The following COL6A2 variants were observed in gnomAD, a reference collection of about 807,000 sequenced individuals.
The protein encoded by COL6A2 is collagen type VI alpha 2 chain.
A neutral mutation model predicts 124.9 loss-of-function variants in COL6A2; 90 were observed. The observed-to-expected ratio is 0.72, with a 90% CI of 0.61 to 0.86. The LOEUF (loss-of-function observed/expected upper bound fraction) is 0.86. Among genes scored for constraint, COL6A2 ranks in the 40% least tolerant of loss-of-function variants. The pLI, the probability that COL6A2 is intolerant of heterozygous loss-of-function variation, is 0.00. For synonymous variants in COL6A2, 793 were observed against 618.2 expected, an observed-to-expected ratio of 1.28 and a Z score of -4.19; for missense variants, 1,607 against 1,502.5, an observed-to-expected ratio of 1.07 and a Z score of -1.15.
Position 46,125,932 on chromosome 21 carries a change from C to T in COL6A2, c.2117C>T (p.Ala706Val), listed in dbSNP as rs2078657799. 3 of 1,613,060 alleles carry T rather than the reference C, an allele frequency of 1.9e-6. No individual in the cohort carries two copies. Residue 706 changes from alanine (A) to valine (V), a missense_variant, in exon 26 of 28, where the codon GCC (alanine) becomes GTC (valine). Coordinates refer to ENST00000300527, the MANE Select transcript of COL6A2 (RefSeq NM_001849.4). Reference protein sequence around the residue: ...WIAGGTWTPSALKFAYDRLIK... With the variant: ...WIAGGTWTPSVLKFAYDRLIK... Reference sequence around the variant, plus strand: ...GCGGGCGGCACCTGGACACCCTCAGCCCTCAAGTTTGCCTACGACCGCCTC... The same window carrying T: ...GCGGGCGGCACCTGGACACCCTCAGTCCTCAAGTTTGCCTACGACCGCCTC...
At position 46,118,635 on chromosome 21, in the gene COL6A2, C is replaced by T. The variant is rs142880107; in HGVS notation, c.1138C>T (p.Arg380Cys). 23 of 1,612,530 alleles carry T rather than the reference C, an allele frequency of 1.4e-5. No homozygotes were observed. Among genetic ancestry groups the T allele is most frequent in the African/African-American group, 1.3e-4 (10 of 75,066 alleles). Residue 380 changes from arginine to cysteine, a missense_variant, in exon 13 of 28, where the codon CGC becomes TGC. Physicochemically the swap from Arg to Cys is radical, Grantham distance 180. This residue lies in a region of COL6A2 where 1,223 missense variants were observed against 1,052.2 expected (regional missense o/e 1.16). Transcript: ENST00000300527. ...GGKGDPGRPG[R>C]RGPPGEIGAK... is the part of the protein sequence containing the mutation. ...CCAGGGGGACCCTGGCCGCCCAGGACGCAGAGGGCCCCCGGGAGAAATCGG... is the reference window on the plus strand; with the variant it reads ...CCAGGGGGACCCTGGCCGCCCAGGATGCAGAGGGCCCCCGGGAGAAATCGG...
Position 46,132,352 on chromosome 21 carries a change from AACG to A in COL6A2, c.2863_2865del (p.Asp955del). 1 of 1,608,672 alleles carries A rather than the reference AACG, an allele frequency of 6.2e-7. No homozygotes were observed. Among genetic ancestry groups the A allele is most frequent in the South Asian group, 1.1e-5 (1 of 91,080 alleles). ...GTTCCTCACGGACGGCGTCACGGGC[AACG>A]ACAGTCTGCACGAGTCGGCGCACTC... On this transcript the variant is annotated inframe_deletion, in exon 28 of 28. Coordinates refer to ENST00000300527, the MANE Select transcript of COL6A2 (RefSeq NM_001849.4).
intron 27 of COL6A2, among the ~76,000 whole-genome samples, chr21:46,126,830 C>G (rs920096175): frequency 6.6e-6 from 1 of 152,194 alleles, no homozygotes; most frequent in African/African-American, 2.4e-5. Flanking sequence ...GAAGGCCCAC[C>G]ATGGGCCTTG....
chr21:46,129,186 TC>T, intron 27 of COL6A2: 2 of 1,612,794 alleles, frequency 1.2e-6, no homozygotes, highest in Non-Finnish European at 1.7e-6. Context: ...CTCTGGACGC[TC>T]CCTTGCAGAT....
intron 27 of COL6A2, chr21:46,128,985 G>T: frequency 6.2e-7 from 1 of 1,607,840 alleles, no homozygotes. Flanking sequence ...GGGTCTCCTA[G>T]CTCCCTGCCA....
chr21:46,128,504 T>C (rs1303400222), intron 27 of COL6A2, among the ~76,000 whole-genome samples: 1 of 106,222 alleles, frequency 9.4e-6, no homozygotes. Flanking sequence ...CCTGGCCTTC[T>C]CCAGACAGCC....
chr21:46,127,536 TGC>T (rs1210534867), intron 27 of COL6A2, among the ~76,000 whole-genome samples: 2 of 152,126 alleles, frequency 1.3e-5, no homozygotes, highest in African/African-American at 4.8e-5. Context: ...CAGTGGGCTG[TGC>T]TTCTGCCGCC....
rs545749932 is a variant in COL6A2 at position 46,123,003 on chromosome 21, C to T, written c.1671+66C>T. The stretch of plus-strand genomic sequence containing the variant: ...GGCAGGGAGGGGCCCTGAGGCTGAG[C>T]GTGTGCATCTATGAGTACAGGAGAA... On this transcript the variant is annotated intron_variant, in intron 21 of 27. Coordinates refer to ENST00000300527, the MANE Select transcript of COL6A2 (RefSeq NM_001849.4). The T allele has an allele frequency of 1.5e-4, 222 of 1,463,132 alleles. 1 individual carries two copies. In the South Asian group the frequency reaches 1.8e-3, roughly 12 times the overall value. The allele number at this position is 1,463,132 out of a possible 1,614,324, so 90.6% of individuals were successfully genotyped here.
chr21:46,123,024 G>A (rs903306451), intron 21 of COL6A2, 87 bp downstream of exon 21: 205 of 1,297,454 alleles, frequency 1.6e-4, no homozygotes, highest in Non-Finnish European at 1.8e-4. Context: ...ATGAGTACAG[G>A]AGAACGCCAG....
intron 27 of COL6A2, among the ~76,000 whole-genome samples, chr21:46,129,963 C>G (rs1038447559): frequency 1.3e-5 from 2 of 152,138 alleles, no homozygotes; most frequent in African/African-American, 4.8e-5. Flanking sequence ...GGAGGATGTT[C>G]CAGCACCAGG....
chr21:46,115,967 C>T lies in COL6A2; in HGVS notation c.855+42C>T, dbSNP rs762914509. 45 of 1,611,122 alleles carry T rather than the reference C, an allele frequency of 2.8e-5. No individual in the cohort carries two copies. The East Asian group carries it at 3.6e-4, about 13-fold the overall frequency. On this transcript the variant is annotated intron_variant, in intron 6 of 27. Transcript: ENST00000300527. ...CACGCCCGCCCCGCCTGCAGCCCAGCGCCCCAGGGCTGGGCTCACACTGCT... is the reference window on the plus strand; with the variant it reads ...CACGCCCGCCCCGCCTGCAGCCCAGTGCCCCAGGGCTGGGCTCACACTGCT...
intron 18 of COL6A2, among the ~76,000 whole-genome samples, 164 bp from the exon 19 acceptor site, chr21:46,121,944 G>A (rs1001663089): frequency 1.3e-5 from 2 of 152,150 alleles, no homozygotes; most frequent in African/African-American, 4.8e-5. Context: ...CACTGGAGGT[G>A]GACAGGGCGA....
intron 16 of COL6A2, 102 bp from the exon 17 acceptor site, chr21:46,120,959 G>T (rs978387327): frequency 1.7e-6 from 2 of 1,153,888 alleles, no homozygotes; most frequent in East Asian, 4.7e-5. Flanking sequence ...GGCCAGACCC[G>T]TCTTACCCCC....
At chr21:46,099,628 C>G (rs2078265682) in intron 1 of COL6A2, among the ~76,000 whole-genome samples, 1 of 152,184 alleles carries the variant, frequency 6.6e-6, no homozygotes. Context: ...TGGTGCTGCT[C>G]ATGGAAGGGG....
At chr21:46,131,394 A>G (rs2078758121) in intron 27 of COL6A2, among the ~76,000 whole-genome samples, 1 of 152,204 alleles carries the variant, frequency 6.6e-6, no homozygotes, top group South Asian at 2.1e-4. Flanking sequence ...GCTGCCACAG[A>G]AGGTCTGGCT....
chr21:46,117,032 C>T (rs1308329659), intron 10 of COL6A2, among the ~76,000 whole-genome samples: 1 of 152,196 alleles, frequency 6.6e-6, no homozygotes, highest in African/African-American at 2.4e-5. Flanking sequence ...GGCTGCACAT[C>T]CCGGCTTGGG....
chr21:46,128,776 G>A, intron 27 of COL6A2: 2 of 820,178 alleles, frequency 2.4e-6, no homozygotes, highest in Non-Finnish European at 4.3e-6. Flanking sequence ...ACATCCCAGA[G>A]AGGCTGAGGA....
chr21:46,131,160 C>G (rs1444224026), intron 27 of COL6A2, among the ~76,000 whole-genome samples: 1 of 152,220 alleles, frequency 6.6e-6, no homozygotes, highest in African/African-American at 2.4e-5. Flanking sequence ...ATCCCAGGAG[C>G]TGAGGTCTTG....
intron 21 of COL6A2, among the ~76,000 whole-genome samples, chr21:46,123,940 G>A (rs73161608): frequency 0.12 from 17,235 of 148,928 alleles, 1,310 homozygotes; most frequent in Non-Finnish European, 0.18. Flanking sequence ...TTGGGTAGGT[G>A]ATGGGTGGAT....
Sources: allele counts gnomAD v4.1 joint callset (sites outside exome capture counted in the v4.1 genomes callset), GRCh38; gene constraint gnomAD v4.1.1; regional missense constraint gnomAD v4.1.1; transcripts MANE v1.5; gene names NCBI Gene and HGNC (gene_info 2026-07-23, HGNC 2026-07-21).